PSTPIP2: variants seen among roughly 807,000 people sequenced by gnomAD.
PSTPIP2 encodes the protein proline-serine-threonine phosphatase interacting protein 2.
PSTPIP2 carries 33 observed loss-of-function variants against 63.3 expected under a neutral mutation model. That is an observed-to-expected ratio of 0.52 (90% CI 0.40 to 0.70). The LOEUF (loss-of-function observed/expected upper bound fraction) is 0.70. PSTPIP2 is among the 30% of genes least tolerant of loss of function. The pLI, the probability that PSTPIP2 is intolerant of heterozygous loss-of-function variation, is 0.00. For missense variants in PSTPIP2, 312 were observed against 400.7 expected, an observed-to-expected ratio of 0.78 and a Z score of 1.89; for synonymous variants, 125 against 132.7, an observed-to-expected ratio of 0.94 and a Z score of 0.40.
At chr18:46,042,260 C>T (rs1458262712) in intron 1 of PSTPIP2, among the ~76,000 whole-genome samples, 1 of 152,188 alleles carries the variant, frequency 6.6e-6, no homozygotes, top group African/African-American at 2.4e-5. Flanking sequence ...CACTGGCCTC[C>T]TCCATACATA....
chr18:45,993,758 T>C, intron 9 of PSTPIP2, 55 bp from the exon 10 acceptor site: 1 of 1,504,030 alleles, frequency 6.6e-7, no homozygotes. Context: ...ACCATTCATT[T>C]TGGCTAGCTG....
chr18:45,993,563 C>T (rs1357899700), intron 10 of PSTPIP2, 42 bp downstream of exon 10: 6 of 1,551,334 alleles, frequency 3.9e-6, no homozygotes, highest in African/African-American at 1.4e-5. Flanking sequence ...CTAATGTATC[C>T]AACATGCACA....
At chr18:46,005,366 A>T (rs2051713872) in intron 6 of PSTPIP2, 103 bp downstream of exon 6, 1 of 1,005,572 alleles carries the variant, frequency 9.9e-7, no homozygotes, top group East Asian at 2.7e-5. Context: ...AATAAATAAT[A>T]ACATTTTTGA....
intron 2 of PSTPIP2, among the ~76,000 whole-genome samples, chr18:46,035,746 C>T (rs1907949906): frequency 6.6e-6 from 1 of 152,112 alleles, no homozygotes; most frequent in Non-Finnish European, 1.5e-5. Context: ...GAGTCATAAA[C>T]ACAGGGGTTG....
At chr18:46,007,263 A>G (rs949930838) in intron 5 of PSTPIP2, among the ~76,000 whole-genome samples, 2 of 152,190 alleles carry the variant, frequency 1.3e-5, no homozygotes, top group Admixed American at 1.3e-4. Flanking sequence ...TTCAAATATG[A>G]GCTTTGTGGA....
intron 1 of PSTPIP2, among the ~76,000 whole-genome samples, chr18:46,061,033 G>A (rs548634715): frequency 7.2e-5 from 11 of 152,338 alleles, no homozygotes; most frequent in African/African-American, 2.6e-4. Flanking sequence ...GCTGGGTGTG[G>A]TAGCTCACAC....
At chr18:46,053,753 T>A (rs1908656787) in intron 1 of PSTPIP2, among the ~76,000 whole-genome samples, 1 of 152,170 alleles carries the variant, frequency 6.6e-6, no homozygotes, top group African/African-American at 2.4e-5. Context: ...GATAAACTGC[T>A]ACATCCATAC....
rs182480477 is a variant in PSTPIP2 at position 46,021,684 on chromosome 18, G to C, written c.212+2925C>G. On this transcript the variant is annotated intron_variant, in intron 3 of 14. Transcript: ENST00000409746. ...ATTTGGGCCAGAGACGGTGGCTCAT[G>C]CCTGTAATCCCAGCACTTTGGGAGG... Among the ~76,000 whole-genome samples the C allele has an allele frequency of 3.2e-3, 487 of 151,338 alleles. 5 individuals are homozygous for C. Among genetic ancestry groups the C allele is most frequent in the African/African-American group, 0.011 (454 of 41,376 alleles).
chr18:46,062,279 G>T (rs1057115998), intron 1 of PSTPIP2, among the ~76,000 whole-genome samples: 1 of 152,076 alleles, frequency 6.6e-6, no homozygotes, highest in Non-Finnish European at 1.5e-5. Context: ...TGCATGCCTG[G>T]TGCCATTTTA....
intron 13 of PSTPIP2, among the ~76,000 whole-genome samples, chr18:45,989,259 G>A (rs189119559): frequency 1.9e-3 from 287 of 152,132 alleles, no homozygotes; most frequent in African/African-American, 6.2e-3. Context: ...AATTTCCACC[G>A]TTGTGGGAAG....
chr18:45,997,669 C>CA (rs1555686923), intron 9 of PSTPIP2, 80 bp downstream of exon 9: 2 of 180,714 alleles, frequency 1.1e-5, no homozygotes, highest in African/African-American at 6.3e-5. Flanking sequence ...CTCCCCTCCC[C>CA]CCCCCGTCCT....
At chr18:46,027,297 AAAATAAATAAATAAAT>A (rs67989237) in intron 2 of PSTPIP2, among the ~76,000 whole-genome samples, 52 of 141,816 alleles carry the variant, frequency 3.7e-4, no homozygotes, top group South Asian at 8.9e-4. Flanking sequence ...CTCCATCTCA[AAAATAAATAAATAAAT>A]AAATAAATAA....
intron 1 of PSTPIP2, among the ~76,000 whole-genome samples, chr18:46,063,293 C>T (rs1202888842): frequency 1.3e-5 from 2 of 152,182 alleles, no homozygotes; most frequent in African/African-American, 2.4e-5. Flanking sequence ...GCATGAGCCA[C>T]AGCGCCCAAT....
chr18:46,062,159 T>G (rs765575967), intron 1 of PSTPIP2, among the ~76,000 whole-genome samples: 146 of 152,212 alleles, frequency 9.6e-4, no homozygotes, highest in Non-Finnish European at 1.4e-3. Context: ...GGGGTCTCAG[T>G]CTCCCTACCC....
chr18:46,039,306 C>T (rs961643077), intron 2 of PSTPIP2, among the ~76,000 whole-genome samples: 2 of 152,080 alleles, frequency 1.3e-5, no homozygotes, highest in Non-Finnish European at 2.9e-5. Flanking sequence ...CATGCCAGTT[C>T]CCCATGGACT....
chr18:46,047,200 T>C (rs1313702134), intron 1 of PSTPIP2, among the ~76,000 whole-genome samples: 1 of 152,234 alleles, frequency 6.6e-6, no homozygotes, highest in Non-Finnish European at 1.5e-5. Flanking sequence ...GATCTTTCTT[T>C]CCTGTTTACT....
intron 1 of PSTPIP2, among the ~76,000 whole-genome samples, chr18:46,064,753 G>A (rs1382698856): frequency 3.9e-5 from 6 of 152,076 alleles, no homozygotes; most frequent in Non-Finnish European, 8.8e-5. Context: ...AAATGGCTGG[G>A]CAATGATGAG....
chr18:46,018,712 T>C (rs890585570), intron 3 of PSTPIP2, among the ~76,000 whole-genome samples: 1 of 152,144 alleles, frequency 6.6e-6, no homozygotes, highest in African/African-American at 2.4e-5. Flanking sequence ...AGACATTATT[T>C]ATCTTTGGGT....
intron 5 of PSTPIP2, among the ~76,000 whole-genome samples, chr18:46,009,077 G>A (rs1238619838): frequency 2.6e-5 from 4 of 151,942 alleles, no homozygotes; most frequent in South Asian, 2.1e-4. Context: ...GGTCACATCC[G>A]TCTATCTGGC....
Sources: allele counts gnomAD v4.1 joint callset (sites outside exome capture counted in the v4.1 genomes callset), GRCh38; gene constraint gnomAD v4.1.1; transcripts MANE v1.5; gene names NCBI Gene and HGNC (gene_info 2026-07-23, HGNC 2026-07-21).